CADM4: variants seen among roughly 807,000 people sequenced by gnomAD.
CADM4 encodes cell adhesion molecule 4.
Under a neutral mutation model 43.9 loss-of-function variants are expected in CADM4, and 13 were observed. The ratio of observed to expected loss-of-function variants is 0.30; its 90% confidence interval spans 0.19 to 0.47. The LOEUF (loss-of-function observed/expected upper bound fraction) is 0.47, where lower values mean the gene tolerates loss of function less well. Ranked by LOEUF, CADM4 falls within the 20% of genes least tolerant of loss-of-function variation. The pLI, the probability that CADM4 is intolerant of heterozygous loss-of-function variation, is 1.00. For missense variants in CADM4, 420 were observed against 527.0 expected (o/e 0.80, Z 1.99); for synonymous variants, 209 against 220.9 (o/e 0.95, Z 0.48).
chr19:43,640,208 G>C (rs1234434123), upstream of CADM4, among the ~76,000 whole-genome samples: 2 of 151,626 alleles, frequency 1.3e-5, no homozygotes, highest in African/African-American at 4.9e-5. Flanking sequence ...GTGGCAGGGT[G>C]TTGCTGGAGG....
chr19:43,633,246 G>A (rs1276845476), intron 1 of CADM4, among the ~76,000 whole-genome samples: 2 of 151,920 alleles, frequency 1.3e-5, no homozygotes, highest in East Asian at 3.9e-4. Flanking sequence ...GCTAATTTTT[G>A]TGCTTTTTGT....
chr19:43,625,483 C>A lies in CADM4; in HGVS notation c.756-233G>T, dbSNP rs1290985217. Among the ~76,000 whole-genome samples the A allele has an allele frequency of 6.6e-6, 1 of 152,194 alleles. No individual in the cohort carries two copies. The highest frequency in any genetic ancestry group is 1.5e-5 in the Non-Finnish European group (1 of 68,040). On this transcript the variant is annotated intron_variant, in intron 6 of 8. Coordinates refer to ENST00000222374, the MANE Select transcript of CADM4 (RefSeq NM_145296.2). This position sits in a 1 kb window ranked among gnomAD's most constrained non-coding sequence, Gnocchi z 4.5. ...ACATGGTGGCTTATGCCTGCAATCC[C>A]AGCACTTTAGGAGGCTGAGACGGGA...
At position 43,626,944 on chromosome 19, in the gene CADM4, GGGT is replaced by G; in HGVS notation, c.365-29_365-27del. On this transcript the variant is annotated intron_variant, in intron 3 of 8. Transcript: ENST00000222374. This position sits in a 1 kb window ranked among gnomAD's most constrained non-coding sequence, Gnocchi z 5.9. ...CTGCCGCAGGGAGAAGGGAAGTAAG[GGGT>G]TAAAGAAGGCACGAACGTGGGCTCA... is the stretch of plus-strand genomic sequence containing the variant. 2 of 1,562,436 alleles carry G rather than the reference GGGT, an allele frequency of 1.3e-6. No individual in the cohort carries two copies. Among genetic ancestry groups the G allele is most frequent in the Non-Finnish European group, 1.7e-6 (2 of 1,153,712 alleles).
At chr19:43,631,675 G>A (rs948453989) in intron 1 of CADM4, among the ~76,000 whole-genome samples, 2 of 152,186 alleles carry the variant, frequency 1.3e-5, no homozygotes, top group Non-Finnish European at 2.9e-5. Context: ...TGAAACAGGT[G>A]GACAAACCCT....
intron 1 of CADM4, among the ~76,000 whole-genome samples, chr19:43,629,317 C>G (rs1973581899): frequency 6.6e-6 from 1 of 152,130 alleles, no homozygotes; most frequent in African/African-American, 2.4e-5. Context: ...AAGAAATATA[C>G]CTTTTTGTTA....
intron 1 of CADM4, among the ~76,000 whole-genome samples, chr19:43,638,568 A>G (rs994039718): frequency 6.6e-6 from 1 of 152,160 alleles, no homozygotes; most frequent in Admixed American, 6.6e-5. Flanking sequence ...ACAGTGTGAG[A>G]GTGTGTGTGG....
In CADM4 at chr19:43,634,183, G is replaced by A. The variant is rs567109855; in HGVS notation, c.64+5544C>T. The stretch of plus-strand genomic sequence containing the variant: ...GCCAGTGCCTGCCTCATAAGGATGA[G>A]CCCCGCTCCTGAAGCTCAGGGAGCC... On this transcript the variant is annotated intron_variant, in intron 1 of 8. Coordinates refer to ENST00000222374, the MANE Select transcript of CADM4 (RefSeq NM_145296.2). Among the ~76,000 whole-genome samples, 15 of 152,346 alleles carry A rather than the reference G, an allele frequency of 9.8e-5. No homozygotes were observed. In the South Asian group the frequency reaches 3.1e-3, roughly 32 times the overall value.
intron 1 of CADM4, among the ~76,000 whole-genome samples, chr19:43,635,918 A>G (rs1024185543): frequency 2.1e-5 from 2 of 94,410 alleles, no homozygotes; most frequent in Non-Finnish European, 4.1e-5. Context: ...CCCTGGACCC[A>G]GGAGCCTAAG....
At chr19:43,633,353 C>T (rs188185443) in intron 1 of CADM4, among the ~76,000 whole-genome samples, 6 of 152,212 alleles carry the variant, frequency 3.9e-5, no homozygotes, top group Admixed American at 2.6e-4. Flanking sequence ...GGATTACAGG[C>T]GTGAGCCACT....
At chr19:43,624,992 T>C (rs915808467) in intron 7 of CADM4, 86 bp downstream of exon 7, 9 of 1,375,758 alleles carry the variant, frequency 6.5e-6, no homozygotes, top group Admixed American at 2.5e-5. Flanking sequence ...GCCGAACCCC[T>C]GAGTTATGTG....
chr19:43,629,561 C>T (rs948652713), intron 1 of CADM4, among the ~76,000 whole-genome samples: 1 of 152,096 alleles, frequency 6.6e-6, no homozygotes, highest in African/African-American at 2.4e-5. Flanking sequence ...AAGGGCATTA[C>T]CCATATAACT....
At chr19:43,628,877 T>C (rs1973574303) in intron 1 of CADM4, among the ~76,000 whole-genome samples, 1 of 152,196 alleles carries the variant, frequency 6.6e-6, no homozygotes, top group African/African-American at 2.4e-5. Context: ...CAGCCCCAGC[T>C]GCCCCACCAG....
At position 43,627,588 on chromosome 19, in the gene CADM4, C is replaced by A; in HGVS notation, c.211+56G>T. 6.4e-7 allele frequency: 1 copy of A among 1,564,838 alleles called. No individual in the cohort carries two copies. Among genetic ancestry groups the A allele is most frequent in the Non-Finnish European group, 8.7e-7 (1 of 1,144,966 alleles). On this transcript the variant is annotated intron_variant, in intron 2 of 8. Coordinates refer to ENST00000222374, the MANE Select transcript of CADM4 (RefSeq NM_145296.2). The surrounding 1 kb of genome is among the most constrained non-coding windows in gnomAD (Gnocchi z 4.0). ...GTGTCCTCTTTCAGGACATGGGAGC[C>A]TGGGCCCCAGCCCTCTCTTCCTTTA... is the stretch of plus-strand genomic sequence containing the variant.
In CADM4 at chr19:43,623,881, G is replaced by A. The variant is rs1310158875; in HGVS notation, c.1057+233C>T. Reference sequence around the variant, plus strand: ...CTCCCAACGTGCTGGGATTACAGGCGTGAGCCACCGCGCCCAACCGCAAAT... The same window carrying A: ...CTCCCAACGTGCTGGGATTACAGGCATGAGCCACCGCGCCCAACCGCAAAT... On this transcript the variant is annotated intron_variant, in intron 8 of 8. Transcript: ENST00000222374. This position sits in a 1 kb window ranked among gnomAD's most constrained non-coding sequence, Gnocchi z 4.4. Among the ~76,000 whole-genome samples the A allele has an allele frequency of 6.6e-6, 1 of 152,190 alleles. No homozygotes were observed. Among genetic ancestry groups the A allele is most frequent in the Admixed American group, 6.5e-5 (1 of 15,278 alleles).
In CADM4 at chr19:43,626,137, C is replaced by A; in HGVS notation, c.651G>T (p.Val217=). 1 of 1,613,878 alleles carries A rather than the reference C, an allele frequency of 6.2e-7. No homozygotes were observed. The highest frequency in any genetic ancestry group is 8.5e-7 in the Non-Finnish European group (1 of 1,179,912). The change falls in exon 5 of 9, where the codon GTG becomes GTT. Residue 217 remains valine (V), a synonymous_variant. Coordinates refer to ENST00000222374, the MANE Select transcript of CADM4 (RefSeq NM_145296.2). The surrounding 1 kb of genome is among the most constrained non-coding windows in gnomAD (Gnocchi z 5.9). ...CCGGTCACTTACACTGCACATCCAGCACGTACTGCGTCTGCTTGCTGTGTC... is the reference window on the plus strand; with the variant it reads ...CCGGTCACTTACACTGCACATCCAGAACGTACTGCGTCTGCTTGCTGTGTC... The part of the protein sequence containing the change: ...PSGHSKQTQY[V]LDVQYSPTAR...
In CADM4 at chr19:43,627,351, G is replaced by A. The variant is rs995144616; in HGVS notation, c.212-33C>T. The A allele has an allele frequency of 6.5e-7, 1 of 1,538,950 alleles. No homozygotes were observed. Among genetic ancestry groups the A allele is most frequent in the Non-Finnish European group, 8.8e-7 (1 of 1,138,272 alleles). ...GAGTGAGGGGGAAGGTGTGAATTTC[G>A]GGAGTCCTGGCCTCACAAGTCCCAC... On this transcript the variant is annotated intron_variant, in intron 2 of 8. Coordinates refer to ENST00000222374, the MANE Select transcript of CADM4 (RefSeq NM_145296.2). The surrounding 1 kb of genome is among the most constrained non-coding windows in gnomAD (Gnocchi z 4.0).
intron 1 of CADM4, among the ~76,000 whole-genome samples, chr19:43,628,004 GC>G (rs2146141817): frequency 6.6e-6 from 1 of 152,266 alleles, no homozygotes; most frequent in South Asian, 2.1e-4. Flanking sequence ...AGTAGAATAT[GC>G]TCTAATGAGG....
intron 1 of CADM4, among the ~76,000 whole-genome samples, chr19:43,631,032 A>T (rs1286868434): frequency 6.6e-6 from 1 of 152,098 alleles, no homozygotes. Flanking sequence ...GAAGGTAGGA[A>T]CCAATCACGG....
chr19:43,627,609 C>T lies in CADM4; in HGVS notation c.211+35G>A, dbSNP rs919810390. 6.9e-6 allele frequency: 11 copies of T among 1,595,324 alleles called. No individual in the cohort carries two copies. Among genetic ancestry groups the T allele is most frequent in the Non-Finnish European group, 9.4e-6 (11 of 1,165,128 alleles). Reference sequence around the variant, plus strand: ...GAGCCTGGGCCCCAGCCCTCTCTTCCTTTAAGACTCCTGAGTCTGGTCCCC... The same window carrying T: ...GAGCCTGGGCCCCAGCCCTCTCTTCTTTTAAGACTCCTGAGTCTGGTCCCC... On this transcript the variant is annotated intron_variant, in intron 2 of 8. Coordinates refer to ENST00000222374, the MANE Select transcript of CADM4 (RefSeq NM_145296.2). This position sits in a 1 kb window ranked among gnomAD's most constrained non-coding sequence, Gnocchi z 4.0.
Sources: allele counts gnomAD v4.1 joint callset (sites outside exome capture counted in the v4.1 genomes callset), GRCh38; gene constraint gnomAD v4.1.1; non-coding constraint Gnocchi (gnomAD v3.1); transcripts MANE v1.5; gene names NCBI Gene and HGNC (gene_info 2026-07-23, HGNC 2026-07-21).